Variants in SV2C observed in about 807,000 individuals in gnomAD.
SV2C encodes synaptic vesicle glycoprotein 2C, also known as solute carrier family 22 member B3.
SV2C carries 49 observed loss-of-function variants against 79.7 expected under a neutral mutation model. That is an observed-to-expected ratio of 0.61 (90% CI 0.49 to 0.78). The LOEUF is 0.78. Among genes scored for constraint, SV2C ranks in the 30% least tolerant of loss-of-function variants. The probability of loss-of-function intolerance (pLI) is 0.00; values close to 1 mark genes in which losing one functional copy is unlikely to be tolerated. For missense variants in SV2C, 833 were observed against 912.9 expected, an observed-to-expected ratio of 0.91 and a Z score of 1.13; for synonymous variants, 334 against 333.2, an observed-to-expected ratio of 1.00 and a Z score of -0.03.
chr5:76,247,863 T>A (rs1416206778), intron 4 of SV2C, among the ~76,000 whole-genome samples: 1 of 152,178 alleles, frequency 6.6e-6, no homozygotes. Context: ...ACATGCATGC[T>A]AATATTTCAT....
chr5:75,892,827 A>G, the SV2C span, among the ~76,000 whole-genome samples: 6 of 151,952 alleles, frequency 3.9e-5, no homozygotes, highest in South Asian at 2.1e-4. Context: ...TCCACCATTC[A>G]TGGACACCTA....
chr5:76,197,735 T>TAGATAGATAGATAGATAGATA (rs34645140), intron 3 of SV2C, among the ~76,000 whole-genome samples: 1 of 152,036 alleles, frequency 6.6e-6, no homozygotes, highest in Non-Finnish European at 1.5e-5. Context: ...GATAGATAGA[T>TAGATAGATAGATAGATAGATA]ATGAGACAGG....
chr5:76,216,368 A>T (rs1744909161), intron 4 of SV2C, among the ~76,000 whole-genome samples: 1 of 152,152 alleles, frequency 6.6e-6, no homozygotes, highest in Non-Finnish European at 1.5e-5. Flanking sequence ...TCCATTCAGG[A>T]ACTTCTGGGC....
chr5:76,062,873 G>A, the SV2C span, among the ~76,000 whole-genome samples: 1 of 152,154 alleles, frequency 6.6e-6, no homozygotes, highest in African/African-American at 2.4e-5. Context: ...GCAGTACAGA[G>A]AATAAAGCAA....
the SV2C span, among the ~76,000 whole-genome samples, chr5:75,900,905 G>A: frequency 0.14 from 21,962 of 151,990 alleles, 5,190 homozygotes; most frequent in African/African-American, 0.49. Flanking sequence ...CATTCTTCAC[G>A]TAGTTCTTGA....
chr5:76,141,786 T>C (rs1400435446), intron 2 of SV2C, among the ~76,000 whole-genome samples: 5 of 122,736 alleles, frequency 4.1e-5, no homozygotes, highest in Non-Finnish European at 6.3e-5. Flanking sequence ...ATCACGCCAC[T>C]GCACTCCAGC....
In SV2C at chr5:76,285,315, A is replaced by G. The variant is rs1259717243; in HGVS notation, c.1047+20A>G. The G allele has an allele frequency of 6.2e-7, 1 of 1,612,856 alleles. No homozygotes were observed. Among genetic ancestry groups the G allele is most frequent in the South Asian group, 1.1e-5 (1 of 90,686 alleles). ...TTGGAGGTAACACTTATTATTGCAG[A>G]TACTCAGGTAGCCCACCTCTATTGG... On this transcript the variant is annotated intron_variant, in intron 5 of 12. Transcript: ENST00000502798.
intron 4 of SV2C, among the ~76,000 whole-genome samples, chr5:76,240,667 C>G (rs2112419554): frequency 6.6e-6 from 1 of 152,266 alleles, no homozygotes; most frequent in African/African-American, 2.4e-5. Context: ...CCTTTCCTCT[C>G]TCAGTCTCTC....
At chr5:76,266,257 G>A (rs1746650475) in intron 4 of SV2C, among the ~76,000 whole-genome samples, 1 of 151,992 alleles carries the variant, frequency 6.6e-6, no homozygotes, top group South Asian at 2.1e-4. Context: ...ACCCAGGCTG[G>A]AGTGCAGTGG....
At chr5:76,315,483 A>T (rs2972848) in intron 12 of SV2C, among the ~76,000 whole-genome samples, 15,244 of 152,172 alleles carry the variant, frequency 0.1, 814 homozygotes, top group Admixed American at 0.15. Flanking sequence ...AGGTATCTGT[A>T]CCGGTCCTGA....
At chr5:76,259,027 A>G (rs1423260031) in intron 4 of SV2C, among the ~76,000 whole-genome samples, 1 of 152,168 alleles carries the variant, frequency 6.6e-6, no homozygotes, top group African/African-American at 2.4e-5. Context: ...TAAACATACC[A>G]CAACTAATTC....
At chr5:75,851,062 A>G in the SV2C span, among the ~76,000 whole-genome samples, 1 of 152,198 alleles carries the variant, frequency 6.6e-6, no homozygotes. Flanking sequence ...CTCCACATCT[A>G]ACACTTGTCA....
the SV2C span, among the ~76,000 whole-genome samples, chr5:76,065,860 C>T: frequency 6.7e-4 from 102 of 152,186 alleles, no homozygotes; most frequent in African/African-American, 2.1e-3. Flanking sequence ...AACAGCTTTG[C>T]GGGCAATGTT....
intron 4 of SV2C, among the ~76,000 whole-genome samples, chr5:76,216,342 C>A (rs558965519): frequency 6.6e-6 from 1 of 152,184 alleles, no homozygotes; most frequent in Non-Finnish European, 1.5e-5. Context: ...CACACCAGCA[C>A]CTTCCCTGCC....
chr5:75,987,821 T>C, the SV2C span, among the ~76,000 whole-genome samples: 2 of 152,044 alleles, frequency 1.3e-5, no homozygotes, highest in Non-Finnish European at 2.9e-5. Context: ...CCACTAATTG[T>C]CTTAGTTAAT....
At chr5:75,931,537 C>A in the SV2C span, among the ~76,000 whole-genome samples, 20 of 152,316 alleles carry the variant, frequency 1.3e-4, no homozygotes, top group Non-Finnish European at 2.5e-4. Context: ...AAAAGAAATG[C>A]TGGCTTTTCC....
At chr5:75,855,195 G>A in the SV2C span, among the ~76,000 whole-genome samples, 1 of 152,142 alleles carries the variant, frequency 6.6e-6, no homozygotes, top group Non-Finnish European at 1.5e-5. Context: ...ATAGGTAGAT[G>A]TGATTTGGGC....
At chr5:76,069,438 G>A in the SV2C span, among the ~76,000 whole-genome samples, 2 of 152,122 alleles carry the variant, frequency 1.3e-5, no homozygotes, top group Non-Finnish European at 1.5e-5. Flanking sequence ...ATCCCTGATC[G>A]TCATTCTGCT....
At chr5:75,994,941 G>A in the SV2C span, among the ~76,000 whole-genome samples, 1 of 152,152 alleles carries the variant, frequency 6.6e-6, no homozygotes, top group Non-Finnish European at 1.5e-5. Flanking sequence ...AATCAATGGT[G>A]TAGCTGACCT....
Sources: gnomAD v4.1 joint callset for allele counts (sites outside exome capture counted in the v4.1 genomes callset) on GRCh38, gnomAD v4.1.1 for gene constraint, MANE v1.5 for transcripts, NCBI Gene and HGNC (gene_info 2026-07-23, HGNC 2026-07-21) for gene names.